Variants in GCNA observed in about 807,000 individuals in gnomAD.
GCNA encodes germ cell nuclear acidic peptidase.
A neutral mutation model predicts 38.8 loss-of-function variants in GCNA; 3 were observed. The observed-to-expected ratio is 0.08, with a 90% confidence interval of 0.04 to 0.20. GCNA has a LOEUF of 0.20. Among genes scored for constraint, GCNA ranks in the 10% least tolerant of loss-of-function variants. The pLI, the probability that GCNA is intolerant of heterozygous loss-of-function variation, is 1.00. For synonymous variants in GCNA, 195 were observed against 240.2 expected, an observed-to-expected ratio of 0.81 and a Z score of 1.74; for missense variants, 446 against 578.6, an observed-to-expected ratio of 0.77 and a Z score of 2.35.
Position 71,612,918 on chromosome X carries a change from A to T in GCNA, c.2012A>T (p.Lys671Met). 2 of 1,211,783 alleles carry T rather than the reference A, an allele frequency of 1.7e-6. No homozygotes were observed. The highest frequency in any genetic ancestry group is 2.2e-6 in the Non-Finnish European group (2 of 895,529). ...DTSRFICAKCKGSLVMVPLTQ... is the reference protein window; with the variant it reads ...DTSRFICAKCMGSLVMVPLTQ... Reference sequence around the variant, plus strand: ...AGCCGCTTCATCTGTGCCAAATGCAAGGGGTCTCTGGTCATGGTGCCATTA... The same window carrying T: ...AGCCGCTTCATCTGTGCCAAATGCATGGGGTCTCTGGTCATGGTGCCATTA... Residue 671 changes from lysine (K) to methionine (M), a missense_variant, in exon 13 of 13, where the codon AAG becomes ATG. Physicochemically the swap from Lys to Met is moderately conservative, Grantham distance 95. This residue lies in a region of GCNA where 34 missense variants were observed against 33.2 expected (regional missense o/e 1.02). Coordinates refer to ENST00000373696, the MANE Select transcript of GCNA (RefSeq NM_052957.5).
intron 4 of GCNA, among the ~76,000 whole-genome samples, chrX:71,593,650 T>C (rs767732763): frequency 3.2e-4 from 32 of 99,617 alleles, no homozygotes; most frequent in Non-Finnish European, 5.3e-4. Context: ...CATCCATTCA[T>C]TGGCTCTGCA....
At chrX:71,608,909 G>A (rs2040788800) in intron 9 of GCNA, 64 bp from the exon 10 acceptor site, 5 of 1,157,666 alleles carry the variant, frequency 4.3e-6, no homozygotes, top group East Asian at 3.0e-5. Flanking sequence ...TTGACGAGAC[G>A]CTTAGGTGTG....
chrX:71,590,946 G>A (rs755543156), intron 2 of GCNA, among the ~76,000 whole-genome samples: 2 of 111,790 alleles, frequency 1.8e-5, no homozygotes, highest in South Asian at 7.6e-4. Flanking sequence ...GCCTCCCAAA[G>A]TGCTGGGATT....
At chrX:71,599,458 G>T (rs1262825543) in intron 7 of GCNA, among the ~76,000 whole-genome samples, 1 of 111,657 alleles carries the variant, frequency 9.0e-6, no homozygotes, top group Non-Finnish European at 1.9e-5. Flanking sequence ...CCAGAAACCA[G>T]TTCACAACCG....
chrX:71,607,455 C>G (rs988747134), intron 9 of GCNA, among the ~76,000 whole-genome samples: 1 of 112,436 alleles, frequency 8.9e-6, no homozygotes, highest in African/African-American at 3.2e-5. Flanking sequence ...CATTTGCTCC[C>G]ATTTTGTCTT....
chrX:71,595,819 G>A (rs1279819022), intron 6 of GCNA, among the ~76,000 whole-genome samples: 4 of 112,614 alleles, frequency 3.6e-5, no homozygotes, highest in African/African-American at 6.5e-5. Flanking sequence ...CTGTGAAGTG[G>A]GAAAGTTTTT....
intron 2 of GCNA, among the ~76,000 whole-genome samples, chrX:71,590,009 A>G (rs1272345286): frequency 9.3e-6 from 1 of 107,034 alleles, no homozygotes; most frequent in Non-Finnish European, 1.9e-5. Flanking sequence ...GGCTCAAGTA[A>G]TCCTCCCGCC....
intron 10 of GCNA, among the ~76,000 whole-genome samples, chrX:71,609,838 C>G (rs1057448951): frequency 2.7e-5 from 3 of 111,928 alleles, no homozygotes; most frequent in African/African-American, 9.7e-5. Context: ...TGGAGAAAAT[C>G]TGGAGGCAGA....
intron 2 of GCNA, among the ~76,000 whole-genome samples, chrX:71,582,026 C>T (rs1368412479): frequency 9.1e-6 from 1 of 109,492 alleles, no homozygotes; most frequent in Non-Finnish European, 1.9e-5. Context: ...TCAGCTTTGG[C>T]CGGGCACACT....
intron 12 of GCNA, 37 bp from the exon 13 acceptor site, chrX:71,612,825 T>A (rs1207890417): frequency 8.3e-7 from 1 of 1,200,893 alleles, no homozygotes; most frequent in Non-Finnish European, 1.1e-6. Flanking sequence ...GTGCAGTGAC[T>A]GATTCTTTTG....
intron 2 of GCNA, among the ~76,000 whole-genome samples, chrX:71,583,692 CTTTT>C (rs753557808): frequency 2.8e-5 from 2 of 72,659 alleles, no homozygotes; most frequent in East Asian, 5.4e-4. Flanking sequence ...CTATTATATT[CTTTT>C]TTTTTTTTTT....
rs772802338 is a variant in GCNA, at chrX:71,605,720, G to A, written c.1457G>A (p.Arg486His). The stretch of plus-strand genomic sequence containing the variant: ...CCCGGTGCAGCAAAAGTTGAAAAAC[G>A]CAAGACTAGGTATGTACTGCTCGCA... Reference protein sequence around the residue: ...KKPGAAKVEKRKTRTPKCKVP... With the variant: ...KKPGAAKVEKHKTRTPKCKVP... The change falls in exon 9 of 13, where the codon CGC becomes CAC. Residue 486 changes from arginine (R) to histidine (H), a missense_variant. By Grantham distance (29) the Arg-to-His change is conservative (BLOSUM62 0). Around this residue, in one of 7 missense-constraint regions of GCNA, gnomAD observed 160 missense variants for 165.2 expected, o/e 0.97. Transcript: ENST00000373696. 110 of 1,206,159 alleles carry A rather than the reference G, an allele frequency of 9.1e-5. No individual in the cohort carries two copies. Among genetic ancestry groups the A allele is most frequent in the Non-Finnish European group, 1.1e-4 (101 of 892,445 alleles).
In GCNA at chrX:71,604,587, C is replaced by A. The variant is rs751881669; in HGVS notation, c.1310C>A (p.Pro437Gln). Reference sequence around the variant, plus strand: ...ACAAAGACCAAAAATATAGTGGAGCCACCAAGGAAAAGGCAGACAAAGACC... The same window carrying A: ...ACAAAGACCAAAAATATAGTGGAGCAACCAAGGAAAAGGCAGACAAAGACC... Reference protein sequence around the residue: ...RQTKTKNIVEPPRKRQTKTKN... With the variant: ...RQTKTKNIVEQPRKRQTKTKN... Residue 437 changes from proline to glutamine, a missense_variant, in exon 8 of 13, where the codon CCA becomes CAA. Pro to Gln is a moderately conservative substitution (Grantham distance 76). Coordinates refer to ENST00000373696, the MANE Select transcript of GCNA (RefSeq NM_052957.5). 1 of 1,196,325 alleles carries A rather than the reference C, an allele frequency of 8.4e-7. No individual in the cohort carries two copies. The highest frequency in any genetic ancestry group is 1.8e-5 in the African/African-American group (1 of 56,919).
chrX:71,579,620 G>A (rs1458752206), intron 1 of GCNA, among the ~76,000 whole-genome samples: 2 of 104,724 alleles, frequency 1.9e-5, no homozygotes, highest in East Asian at 3.1e-4. Flanking sequence ...GGGTAGGGGT[G>A]TGTGTGTGGG....
Position 71,610,809 on chromosome X carries a change from C to T in GCNA, c.1740C>T (p.Cys580=), listed in dbSNP as rs374902352. The part of the protein sequence containing the change: ...FAKIQIGLKV[C]DSADRIRDTL... Reference sequence around the variant, plus strand: ...AGATCCAGATTGGCTTGAAAGTCTGCGACTCTGCAGGTGATGGCAGGAGTG... The same window carrying T: ...AGATCCAGATTGGCTTGAAAGTCTGTGACTCTGCAGGTGATGGCAGGAGTG... Residue 580 remains cysteine, a synonymous_variant, in exon 11 of 13, where the codon TGC becomes TGT. Coordinates refer to ENST00000373696, the MANE Select transcript of GCNA (RefSeq NM_052957.5). 1.9e-5 allele frequency: 23 copies of T among 1,211,184 alleles called. No homozygotes were observed. Among genetic ancestry groups the T allele is most frequent in the East Asian group, 8.9e-5 (3 of 33,823 alleles).
At chrX:71,612,284 A>G (rs1400982172) in intron 11 of GCNA, 71 bp from the exon 12 acceptor site, 3 of 137,688 alleles carry the variant, frequency 2.2e-5, no homozygotes, top group Admixed American at 1.5e-4. Flanking sequence ...TCAAAAAAGG[A>G]AAAAAAAAAA....
In GCNA at chrX:71,604,541, G is replaced by A. The variant is rs759836971; in HGVS notation, c.1264G>A (p.Glu422Lys). The change falls in exon 8 of 13, where the codon GAG becomes AAG. Residue 422 changes from glutamate (E) to lysine (K), a missense_variant. Glu to Lys is a moderately conservative substitution (Grantham distance 56). Transcript: ENST00000373696. ...KRKSKTKTIV[E>K]PPRKRQTKTK... ...GAAGTCAAAAACCAAAACTATTGTG[G>A]AGCCACCGAGGAAAAGGCAGACAAA... The A allele has an allele frequency of 8.4e-7, 1 of 1,190,898 alleles. No homozygotes were observed. Among genetic ancestry groups the A allele is most frequent in the East Asian group, 3.0e-5 (1 of 33,013 alleles).
intron 2 of GCNA, among the ~76,000 whole-genome samples, chrX:71,582,226 T>C (rs1049853212): frequency 1.1e-4 from 11 of 103,802 alleles, no homozygotes; most frequent in Admixed American, 8.4e-4. Flanking sequence ...TGAGCCGAGA[T>C]TGCGCCACTG....
chrX:71,580,931 CAA>C, intron 2 of GCNA, 51 bp downstream of exon 2: 1 of 1,083,603 alleles, frequency 9.2e-7, no homozygotes, highest in African/African-American at 1.8e-5. Flanking sequence ...ACCGTATTGG[CAA>C]AACAGCTTTC....
Sources: allele counts gnomAD v4.1 joint callset (sites outside exome capture counted in the v4.1 genomes callset), GRCh38; gene constraint gnomAD v4.1.1; regional missense constraint gnomAD v4.1.1; transcripts MANE v1.5; gene names NCBI Gene and HGNC (gene_info 2026-07-23, HGNC 2026-07-21).